EYS: variants seen among roughly 807,000 people sequenced by gnomAD.
The protein encoded by EYS is EGF-like photoreceptor maintenance factor.
In EYS, 250 loss-of-function variants were observed where a neutral mutation model predicts 282.1. That is an observed-to-expected ratio of 0.89 (90% CI 0.80 to 0.98). The LOEUF is 0.98. Among genes scored for constraint, EYS ranks in the 50% least tolerant of loss-of-function variants. The pLI, the probability that EYS is intolerant of heterozygous loss-of-function variation, is 0.00. For missense variants in EYS, 4,016 were observed against 3,709.0 expected (o/e 1.08, Z -2.15); for synonymous variants, 1,355 against 1,282.9 (o/e 1.06, Z -1.20).
chr6:65,184,655 A>C (rs1765473552), intron 12 of EYS, among the ~76,000 whole-genome samples: 1 of 151,768 alleles, frequency 6.6e-6, no homozygotes, highest in African/African-American at 2.4e-5. Flanking sequence ...AAATAATAAC[A>C]TTAATAATAA....
At chr6:65,368,466 C>T (rs571165547) in intron 8 of EYS, among the ~76,000 whole-genome samples, 20 of 151,590 alleles carry the variant, frequency 1.3e-4, no homozygotes, top group Non-Finnish European at 2.8e-4. Context: ...CAAAAGGGCC[C>T]AGATAATACT....
chr6:64,766,432 G>C (rs563168335), intron 22 of EYS, among the ~76,000 whole-genome samples: 41 of 149,096 alleles, frequency 2.7e-4, no homozygotes, highest in African/African-American at 9.3e-4. Context: ...AGGAGTTCAA[G>C]ACCAGCCTGA....
At chr6:64,820,454 A>T (rs956542837) in intron 21 of EYS, among the ~76,000 whole-genome samples, 1 of 152,150 alleles carries the variant, frequency 6.6e-6, no homozygotes, top group African/African-American at 2.4e-5. Context: ...CAATATTTGC[A>T]GTAATGCAAA....
chr6:64,432,925 T>C (rs985210565), intron 28 of EYS, among the ~76,000 whole-genome samples: 1 of 152,088 alleles, frequency 6.6e-6, no homozygotes, highest in African/African-American at 2.4e-5. Flanking sequence ...AAATAATTTT[T>C]AGTATGTGTG....
chr6:63,993,021 C>A (rs759110744), intron 34 of EYS, among the ~76,000 whole-genome samples: 3 of 151,692 alleles, frequency 2.0e-5, no homozygotes, highest in Admixed American at 2.0e-4. Flanking sequence ...ATTCTCCTTC[C>A]TGCCTTACAA....
chr6:64,858,718 T>G (rs1766145840), intron 19 of EYS, among the ~76,000 whole-genome samples: 1 of 152,038 alleles, frequency 6.6e-6, no homozygotes. Flanking sequence ...TTAAATAAAA[T>G]TAAGAAAAAT....
At chr6:64,969,184 A>G (rs1770205303) in intron 14 of EYS, among the ~76,000 whole-genome samples, 1 of 152,200 alleles carries the variant, frequency 6.6e-6, no homozygotes, top group Non-Finnish European at 1.5e-5. Context: ...GGACTGTAAA[A>G]TGATGCTTTG....
chr6:64,008,936 A>C (rs184510532), intron 33 of EYS, among the ~76,000 whole-genome samples: 1 of 152,082 alleles, frequency 6.6e-6, no homozygotes, highest in African/African-American at 2.4e-5. Context: ...TCTGACGACT[A>C]TGTGTTTTGA....
At chr6:64,544,278 G>T (rs976282738) in intron 26 of EYS, among the ~76,000 whole-genome samples, 3 of 152,170 alleles carry the variant, frequency 2.0e-5, no homozygotes, top group Non-Finnish European at 4.4e-5. Context: ...AGTATATGTA[G>T]TTGCACACTG....
In EYS at chr6:65,271,251, A is replaced by G. The variant is rs182700820; in HGVS notation, c.2023+24612T>C. Among the ~76,000 whole-genome samples the G allele has an allele frequency of 1.4e-3, 205 of 150,684 alleles. 2 individuals carry two copies. The highest frequency in any genetic ancestry group is 4.7e-3 in the African/African-American group (192 of 41,092). ...TTGGAGACCCAGAAAAGTTGGTGGC[A>G]TAATTTGAAGTTCTGAGACCCAGAG... On this transcript the variant is annotated intron_variant, in intron 12 of 42. Coordinates refer to ENST00000503581, the MANE Select transcript of EYS (RefSeq NM_001142800.2).
chr6:65,502,435 GAAGA>G (rs913963780), intron 2 of EYS, among the ~76,000 whole-genome samples: 17 of 151,670 alleles, frequency 1.1e-4, no homozygotes, highest in African/African-American at 3.9e-4. Context: ...AAGTTATTAG[GAAGA>G]GAGTGCCGAA....
At chr6:65,089,847 T>C (rs541134068) in intron 12 of EYS, among the ~76,000 whole-genome samples, 1 of 150,288 alleles carries the variant, frequency 6.7e-6, no homozygotes, top group South Asian at 2.1e-4. Context: ...TCCCAGCTAC[T>C]GGGTAGGTTG....
chr6:65,243,540 C>A lies in EYS; in HGVS notation c.2023+52323G>T, dbSNP rs558906002. On this transcript the variant is annotated intron_variant, in intron 12 of 42. Transcript: ENST00000503581. ...TACCACAGACTCTTGTCTCTGATTA[C>A]CATAAGGTTCTAATAGGTGTTTCTC... 3.3e-5 allele frequency among the ~76,000 whole-genome samples: 5 copies of A among 152,254 alleles called. No individual in the cohort carries two copies. In the South Asian group the frequency reaches 8.3e-4, roughly 25 times the overall value.
At chr6:64,186,461 G>A (rs1373287844) in intron 31 of EYS, among the ~76,000 whole-genome samples, 1 of 152,088 alleles carries the variant, frequency 6.6e-6, no homozygotes, top group African/African-American at 2.4e-5. Context: ...TAAAACTTTT[G>A]TGCTAAGTAA....
intron 30 of EYS, among the ~76,000 whole-genome samples, chr6:64,233,343 A>G (rs992249827): frequency 6.6e-6 from 1 of 152,196 alleles, no homozygotes; most frequent in Non-Finnish European, 1.5e-5. Flanking sequence ...TATTTTTGGA[A>G]GTTATAGATG....
intron 19 of EYS, among the ~76,000 whole-genome samples, chr6:64,849,185 T>C (rs866752548): frequency 6.6e-5 from 10 of 152,074 alleles, no homozygotes; most frequent in Middle Eastern, 6.8e-3. Context: ...GTATTAGCAT[T>C]CATGTAGCCA....
intron 13 of EYS, among the ~76,000 whole-genome samples, chr6:65,027,660 AG>A (rs1239607363): frequency 3.3e-5 from 5 of 152,188 alleles, no homozygotes; most frequent in African/African-American, 1.2e-4. Flanking sequence ...ATCATGCAAT[AG>A]GTACCTTTTG....
chr6:64,553,548 C>G (rs912335691), intron 26 of EYS, among the ~76,000 whole-genome samples: 1 of 108,658 alleles, frequency 9.2e-6, no homozygotes, highest in Non-Finnish European at 1.8e-5. Context: ...TTGTTTGACC[C>G]CCCCCCCCCC....
At chr6:64,657,271 T>C (rs1768785150) in intron 22 of EYS, among the ~76,000 whole-genome samples, 1 of 152,206 alleles carries the variant, frequency 6.6e-6, no homozygotes, top group Non-Finnish European at 1.5e-5. Context: ...ATGGGTTTCC[T>C]GAATACAGCA....
Sources: allele counts gnomAD v4.1 joint callset (sites outside exome capture counted in the v4.1 genomes callset), GRCh38; gene constraint gnomAD v4.1.1; transcripts MANE v1.5; gene names NCBI Gene and HGNC (gene_info 2026-07-23, HGNC 2026-07-21).